The following PIK3C2G variants were observed in gnomAD, a reference collection of about 807,000 sequenced individuals.
PIK3C2G encodes the protein phosphatidylinositol-4-phosphate 3-kinase catalytic subunit type 2 gamma.
A neutral mutation model predicts 181.1 loss-of-function variants in PIK3C2G; 168 were observed. The ratio of observed to expected loss-of-function variants is 0.93; its 90% CI spans 0.82 to 1.05. PIK3C2G has a LOEUF of 1.05. Among genes scored for constraint, PIK3C2G ranks in the 50% least tolerant of loss-of-function variants. The pLI is 0.00. For synonymous variants in PIK3C2G, 573 were observed against 592.2 expected, an observed-to-expected ratio of 0.97 and a Z score of 0.47; for missense variants, 1,869 against 1,732.8, an observed-to-expected ratio of 1.08 and a Z score of -1.40.
At chr12:18,719,985 G>A in the PIK3C2G span, among the ~76,000 whole-genome samples, 2 of 152,062 alleles carry the variant, frequency 1.3e-5, no homozygotes, top group Non-Finnish European at 2.9e-5. Flanking sequence ...CAGTGTTCCA[G>A]AAGCCTGCCT....
intron 8 of PIK3C2G, among the ~76,000 whole-genome samples, chr12:18,325,415 G>A (rs1323509149): frequency 6.6e-6 from 1 of 152,132 alleles, no homozygotes; most frequent in Non-Finnish European, 1.5e-5. Context: ...GTGAAGGAAG[G>A]TGGGGAGTAG....
In PIK3C2G at chr12:18,641,743, C is replaced by CTTTTTTTTTTT. The variant is rs11285609; in HGVS notation, c.4308+1199_4308+1209dup. ...AAAACCCTGGCTTCTCTCTCTCAAG[C>CTTTTTTTTTTT]TTTTTTTTTTTTTTTTTTTTGAGAT... On this transcript the variant is annotated intron_variant, in intron 32 of 32. Coordinates refer to ENST00000538779, the MANE Select transcript of PIK3C2G (RefSeq NM_001288772.2). Among the ~76,000 whole-genome samples the CTTTTTTTTTTT allele has an allele frequency of 8.7e-3, 806 of 93,160 alleles. 117 individuals are homozygous for CTTTTTTTTTTT. The highest frequency in any genetic ancestry group is 0.038 in the African/African-American group (773 of 20,328). 61.1% of individuals were successfully genotyped at this position (93,160 alleles called of 152,430 possible).
the PIK3C2G span, among the ~76,000 whole-genome samples, chr12:18,702,697 G>A: frequency 2.0e-5 from 3 of 152,200 alleles, no homozygotes; most frequent in East Asian, 5.8e-4. Flanking sequence ...CAAATTCCTA[G>A]GATCTACTTC....
At chr12:18,613,262 C>A (rs1280498840) in intron 31 of PIK3C2G, among the ~76,000 whole-genome samples, 1 of 151,942 alleles carries the variant, frequency 6.6e-6, no homozygotes, top group Non-Finnish European at 1.5e-5. Flanking sequence ...CTAAACATAA[C>A]CAATAGGATG....
At chr12:18,687,549 T>C in the PIK3C2G span, among the ~76,000 whole-genome samples, 4 of 152,266 alleles carry the variant, frequency 2.6e-5, 1 homozygote, top group South Asian at 4.1e-4. Flanking sequence ...GCCAGAATGA[T>C]GAAAATCTTA....
intron 5 of PIK3C2G, among the ~76,000 whole-genome samples, chr12:18,305,650 A>G (rs1328393048): frequency 6.6e-6 from 1 of 152,108 alleles, no homozygotes; most frequent in African/African-American, 2.4e-5. Context: ...TTTGAATTAC[A>G]TATTTCTTCA....
At chr12:18,565,326 A>G (rs904372578) in intron 28 of PIK3C2G, among the ~76,000 whole-genome samples, 1 of 152,096 alleles carries the variant, frequency 6.6e-6, no homozygotes, top group African/African-American at 2.4e-5. Context: ...TTTCTGGGTA[A>G]CTTCCAGGGG....
chr12:18,526,458 A>C (rs139379759), intron 24 of PIK3C2G, among the ~76,000 whole-genome samples: 1 of 152,328 alleles, frequency 6.6e-6, no homozygotes, highest in African/African-American at 2.4e-5. Context: ...CTAAGCACCA[A>C]GCATAGAGCA....
intron 30 of PIK3C2G, among the ~76,000 whole-genome samples, chr12:18,597,670 A>G (rs1282736323): frequency 6.6e-6 from 1 of 152,064 alleles, no homozygotes; most frequent in African/African-American, 2.4e-5. Context: ...GGAGAAGGAA[A>G]TAAAGGGTAT....
intron 1 of PIK3C2G, among the ~76,000 whole-genome samples, chr12:18,276,940 T>C (rs1227082016): frequency 6.6e-6 from 1 of 152,158 alleles, no homozygotes; most frequent in Non-Finnish European, 1.5e-5. Context: ...TTCTATAAGA[T>C]TATAGGTGAA....
chr12:18,656,799 A>G, the PIK3C2G span, among the ~76,000 whole-genome samples: 13 of 152,290 alleles, frequency 8.5e-5, no homozygotes, highest in East Asian at 7.7e-4. Flanking sequence ...AACGGTCAGA[A>G]TCAACTTTAT....
At chr12:18,489,048 A>T (rs1940320505) in intron 19 of PIK3C2G, among the ~76,000 whole-genome samples, 1 of 152,130 alleles carries the variant, frequency 6.6e-6, no homozygotes, top group South Asian at 2.1e-4. Flanking sequence ...GAAATAAATC[A>T]ATGGCCTTAA....
chr12:18,400,139 ACTT>A (rs1188708261), intron 16 of PIK3C2G, among the ~76,000 whole-genome samples: 1 of 152,168 alleles, frequency 6.6e-6, no homozygotes, highest in Non-Finnish European at 1.5e-5. Flanking sequence ...AAAAATCCCT[ACTT>A]CTTCTCTCAA....
chr12:18,717,544 C>A, the PIK3C2G span, among the ~76,000 whole-genome samples: 3 of 152,086 alleles, frequency 2.0e-5, no homozygotes, highest in Non-Finnish European at 2.9e-5. Flanking sequence ...CTTCTGAATT[C>A]CACACACACA....
the PIK3C2G span, chr12:18,685,702 A>T: frequency 2.0e-6 from 1 of 507,726 alleles, no homozygotes; most frequent in African/African-American, 1.9e-5. Context: ...GCAGGTTTAG[A>T]GTCAATTCTT....
chr12:18,344,662 G>A (rs1939490146), intron 10 of PIK3C2G, among the ~76,000 whole-genome samples: 1 of 152,082 alleles, frequency 6.6e-6, no homozygotes, highest in African/African-American at 2.4e-5. Flanking sequence ...GTACAGAAAT[G>A]TTCCTGGAGA....
intron 14 of PIK3C2G, among the ~76,000 whole-genome samples, chr12:18,387,083 A>G (rs928472738): frequency 6.6e-6 from 1 of 152,126 alleles, no homozygotes; most frequent in Non-Finnish European, 1.5e-5. Flanking sequence ...ATGTCTGTTC[A>G]TGCCCCACAT....
intron 8 of PIK3C2G, among the ~76,000 whole-genome samples, chr12:18,333,041 T>G (rs1299160094): frequency 6.6e-6 from 1 of 152,114 alleles, no homozygotes; most frequent in Non-Finnish European, 1.5e-5. Context: ...CTGTTAAATT[T>G]TAGCTAATTT....
intron 6 of PIK3C2G, chr12:18,320,096 T>G (rs1951040805): frequency 6.6e-6 from 1 of 152,218 alleles, no homozygotes; most frequent in Admixed American, 6.5e-5. Flanking sequence ...TTCTGATGTT[T>G]TCTGTCCGAA....
Sources: allele counts gnomAD v4.1 joint callset (sites outside exome capture counted in the v4.1 genomes callset), GRCh38; gene constraint gnomAD v4.1.1; transcripts MANE v1.5; gene names NCBI Gene and HGNC (gene_info 2026-07-23, HGNC 2026-07-21).